The following DLC1 variants were observed in gnomAD, a reference collection of about 807,000 sequenced individuals.
DLC1 encodes the protein DLC1 Rho GTPase activating protein.
Under a neutral mutation model 140.3 loss-of-function variants are expected in DLC1, and 54 were observed. That is an observed-to-expected ratio of 0.38 (90% confidence interval 0.31 to 0.48). DLC1 has a LOEUF of 0.48. Among genes scored for constraint, DLC1 ranks in the 20% least tolerant of loss-of-function variants. DLC1 has a pLI of 0.96. For missense variants in DLC1, 2,536 were observed against 1,907.0 expected (o/e 1.33, Z -6.14); for synonymous variants, 986 against 728.1 (o/e 1.35, Z -5.70).
chr8:13,504,760 T>C (rs959816789), intron 1 of DLC1, among the ~76,000 whole-genome samples: 8 of 152,190 alleles, frequency 5.3e-5, no homozygotes, highest in Non-Finnish European at 1.0e-4. Flanking sequence ...CTTAAAATTA[T>C]ATGAAAAGTC....
intron 5 of DLC1, among the ~76,000 whole-genome samples, chr8:13,195,302 G>T (rs1279831574): frequency 6.6e-6 from 1 of 152,162 alleles, no homozygotes; most frequent in Non-Finnish European, 1.5e-5. Context: ...GTCAGCAATT[G>T]GAGATGGCAG....
intron 5 of DLC1, chr8:13,305,002 C>T: frequency 1.8e-6 from 2 of 1,091,258 alleles, no homozygotes; most frequent in South Asian, 4.1e-5. Flanking sequence ...AATTCTTTTG[C>T]TTAAGAAAAA....
At chr8:13,181,054 C>T (rs1052866125) in intron 5 of DLC1, among the ~76,000 whole-genome samples, 1 of 151,936 alleles carries the variant, frequency 6.6e-6, no homozygotes, top group African/African-American at 2.4e-5. Flanking sequence ...ATATATGTAT[C>T]TACCACTGTC....
At chr8:13,287,285 G>C (rs1192839565) in intron 5 of DLC1, among the ~76,000 whole-genome samples, 3 of 152,196 alleles carry the variant, frequency 2.0e-5, no homozygotes, top group Non-Finnish European at 2.9e-5. Flanking sequence ...GATGAGGACA[G>C]AAATGGAAAG....
intron 4 of DLC1, among the ~76,000 whole-genome samples, chr8:13,366,707 C>A (rs578075759): frequency 6.6e-6 from 1 of 152,174 alleles, no homozygotes; most frequent in East Asian, 1.9e-4. Context: ...TCTCTCCTTT[C>A]GGATGCCCTC....
Position 13,099,686 on chromosome 8 carries a change from C to T in DLC1, c.2651G>A (p.Gly884Asp), listed in dbSNP as rs754429142. ...CCCTGAACTGGAGTAGAGGATGGAG[C>T]CCGGCACGTTGTCGTAGATGCTCAG... Reference protein sequence around the residue: ...SRLSIYDNVPGSILYSSSGDL... With the variant: ...SRLSIYDNVPDSILYSSSGDL... The change falls in exon 9 of 18, where the codon GGC (glycine) becomes GAC (aspartate). Residue 884 changes from glycine to aspartate, a missense_variant. Physicochemically the swap from Gly to Asp is moderately conservative, Grantham distance 94. Coordinates refer to ENST00000276297, the MANE Select transcript of DLC1 (RefSeq NM_182643.3). The T allele has an allele frequency of 1.2e-6, 2 of 1,614,068 alleles. No individual in the cohort carries two copies. The highest frequency in any genetic ancestry group is 1.3e-5 in the African/African-American group (1 of 74,932).
chr8:13,166,005 G>A (rs1020006356), intron 5 of DLC1, among the ~76,000 whole-genome samples: 16 of 152,178 alleles, frequency 1.1e-4, no homozygotes, highest in African/African-American at 3.9e-4. Flanking sequence ...GGGAGCCAGA[G>A]GGACTGGAAA....
intron 4 of DLC1, among the ~76,000 whole-genome samples, chr8:13,359,318 T>C (rs1014270793): frequency 6.6e-6 from 1 of 152,216 alleles, no homozygotes; most frequent in African/African-American, 2.4e-5. Context: ...ATTCCTTATT[T>C]GTATCCTTAA....
chr8:13,446,399 T>C (rs1290704775), intron 2 of DLC1, among the ~76,000 whole-genome samples: 2 of 152,224 alleles, frequency 1.3e-5, no homozygotes, highest in African/African-American at 4.8e-5. Flanking sequence ...CTTGTTTTCA[T>C]CTTTTGAGTT....
chr8:13,148,474 G>T (rs529475946), intron 5 of DLC1, among the ~76,000 whole-genome samples: 1 of 152,152 alleles, frequency 6.6e-6, no homozygotes, highest in Non-Finnish European at 1.5e-5. Flanking sequence ...GTTCGTTTTT[G>T]TGGCTGCATA....
intron 1 of DLC1, chr8:13,559,385 C>T (rs1339203062): frequency 6.6e-6 from 1 of 152,146 alleles, no homozygotes; most frequent in African/African-American, 2.4e-5. Context: ...TGGAAAATGC[C>T]TATCTAAAAT....
intron 4 of DLC1, among the ~76,000 whole-genome samples, chr8:13,321,126 A>G (rs1419090167): frequency 1.3e-5 from 2 of 152,236 alleles, no homozygotes; most frequent in African/African-American, 2.4e-5. Flanking sequence ...GATCCCAATT[A>G]CTTAAAATAC....
chr8:13,522,684 G>A (rs1802801943), intron 1 of DLC1, among the ~76,000 whole-genome samples: 1 of 151,828 alleles, frequency 6.6e-6, no homozygotes, highest in Non-Finnish European at 1.5e-5. Context: ...AGTAAATTAT[G>A]TAGTATTATG....
chr8:13,441,258 C>G (rs289628), intron 2 of DLC1, among the ~76,000 whole-genome samples: 2 of 152,074 alleles, frequency 1.3e-5, no homozygotes, highest in East Asian at 3.9e-4. Flanking sequence ...TATTATACTG[C>G]ATGGGCAAAA....
chr8:13,110,964 C>T (rs1820055989), intron 6 of DLC1, 141 bp from the exon 7 acceptor site: 1 of 703,576 alleles, frequency 1.4e-6, no homozygotes, highest in African/African-American at 1.8e-5. Context: ...CCGTCAAGTT[C>T]TATGGGACTA....
chr8:13,254,896 T>C (rs1010088277), intron 5 of DLC1, among the ~76,000 whole-genome samples: 14 of 152,198 alleles, frequency 9.2e-5, no homozygotes, highest in African/African-American at 3.4e-4. Context: ...ATCCTGGAAA[T>C]TGGGGATCTG....
chr8:13,576,940 G>C (rs564333791), intron 1 of DLC1, among the ~76,000 whole-genome samples: 1 of 151,998 alleles, frequency 6.6e-6, no homozygotes, highest in African/African-American at 2.4e-5. Context: ...TAATATCTCT[G>C]ACTGCAAAGT....
rs1321684268 is a variant in DLC1 at position 13,393,665 on chromosome 8, G to T, written c.1202C>A (p.Ala401Glu). 1 of 1,613,970 alleles carries T rather than the reference G, an allele frequency of 6.2e-7. No homozygotes were observed. The highest frequency in any genetic ancestry group is 1.7e-5 in the Admixed American group (1 of 59,966). The change falls in exon 4 of 18, where the codon GCA becomes GAA. Residue 401 changes from alanine to glutamate, a missense_variant. Transcript: ENST00000276297. ...PDLESGSESG[A>E]DTISVNQTRV... ...TGTCTGATTTACTGAAATGGTATCT[G>T]CTCCACTTTCAGATCCTGATTCCAG...
intron 5 of DLC1, among the ~76,000 whole-genome samples, chr8:13,152,362 T>G (rs1020299586): frequency 6.6e-6 from 1 of 152,214 alleles, no homozygotes; most frequent in Non-Finnish European, 1.5e-5. Flanking sequence ...AACTCTGTAA[T>G]TCTGAGTTTA....
Sources: allele counts gnomAD v4.1 joint callset (sites outside exome capture counted in the v4.1 genomes callset), GRCh38; gene constraint gnomAD v4.1.1; transcripts MANE v1.5; gene names NCBI Gene and HGNC (gene_info 2026-07-23, HGNC 2026-07-21).